PARVB: variants seen among roughly 807,000 people sequenced by gnomAD.
PARVB encodes parvin beta, also known as beta-parvin.
PARVB carries 46 observed loss-of-function variants against 47.0 expected under a neutral mutation model. The observed-to-expected ratio is 0.98, with a 90% CI of 0.77 to 1.25. PARVB has a LOEUF of 1.25. Among genes scored for constraint, PARVB ranks in the 50% most tolerant of loss-of-function variants. The probability of loss-of-function intolerance (pLI) is 0.00; values close to 1 mark genes in which losing one functional copy is unlikely to be tolerated. For synonymous variants in PARVB, 196 were observed against 196.3 expected (o/e 1.00, Z 0.01); for missense variants, 473 against 471.6 (o/e 1.00, Z -0.03).
intron 1 of PARVB, among the ~76,000 whole-genome samples, chr22:44,053,040 C>A (rs1340710765): frequency 6.6e-6 from 1 of 150,840 alleles, no homozygotes; most frequent in Non-Finnish European, 1.5e-5. Context: ...TTTAAACCAA[C>A]AATTTAAATA....
chr22:44,098,934 C>CA (rs1449043201), intron 2 of PARVB, among the ~76,000 whole-genome samples: 1 of 152,180 alleles, frequency 6.6e-6, no homozygotes, highest in African/African-American at 2.4e-5. Flanking sequence ...CTCAGCCTCC[C>CA]AAAGTGCTGG....
At chr22:44,084,837 A>T (rs1446688442) in intron 1 of PARVB, among the ~76,000 whole-genome samples, 1 of 152,136 alleles carries the variant, frequency 6.6e-6, no homozygotes, top group Non-Finnish European at 1.5e-5. Flanking sequence ...TCCCTGTAGA[A>T]TTGGCTGCCA....
intron 1 of PARVB, chr22:44,081,757 G>A (rs1444129089): frequency 2.6e-5 from 7 of 274,186 alleles, no homozygotes; most frequent in Admixed American, 6.5e-5. Context: ...TCGGAGGGGC[G>A]GTGACGGTGA....
intron 3 of PARVB, among the ~76,000 whole-genome samples, chr22:44,101,342 G>A (rs1205908469): frequency 2.6e-5 from 4 of 152,008 alleles, no homozygotes; most frequent in Non-Finnish European, 4.4e-5. Flanking sequence ...CCCGGGGGGC[G>A]GAGCCTGCAG....
At chr22:44,074,047 C>T (rs1272845408) in intron 1 of PARVB, among the ~76,000 whole-genome samples, 1 of 152,230 alleles carries the variant, frequency 6.6e-6, no homozygotes, top group African/African-American at 2.4e-5. Flanking sequence ...CTTTGGGATC[C>T]TCTGTTCGGG....
intron 1 of PARVB, among the ~76,000 whole-genome samples, chr22:44,034,464 A>G (rs1250060143): frequency 6.6e-6 from 1 of 151,472 alleles, no homozygotes. Context: ...CCAGATCATC[A>G]GACACTGTAG....
intron 2 of PARVB, among the ~76,000 whole-genome samples, chr22:44,097,396 G>A (rs1446327657): frequency 1.3e-5 from 2 of 152,186 alleles, no homozygotes; most frequent in African/African-American, 4.8e-5. Flanking sequence ...CGCGTGAGCA[G>A]CCCGTAGCAG....
At chr22:44,159,578 C>T (rs1260758047) in intron 11 of PARVB, among the ~76,000 whole-genome samples, 2 of 152,238 alleles carry the variant, frequency 1.3e-5, no homozygotes, top group Non-Finnish European at 2.9e-5. Flanking sequence ...GGCGGTGTGG[C>T]TCTGCGGGTG....
At chr22:44,164,495 G>A (rs1233680754) in intron 12 of PARVB, among the ~76,000 whole-genome samples, 1 of 150,550 alleles carries the variant, frequency 6.6e-6, no homozygotes, top group East Asian at 2.0e-4. Context: ...ACACTTCCTA[G>A]GTGTTTGGGG....
At chr22:44,136,407 C>G (rs2053441516) in intron 6 of PARVB, 53 bp from the exon 7 acceptor site, 1 of 1,526,870 alleles carries the variant, frequency 6.5e-7, no homozygotes, top group Non-Finnish European at 9.1e-7. Flanking sequence ...GTCAGTGCAT[C>G]TTTCCTCAAC....
At chr22:44,101,375 A>C (rs1289073152) in intron 3 of PARVB, among the ~76,000 whole-genome samples, 1 of 151,558 alleles carries the variant, frequency 6.6e-6, no homozygotes, top group East Asian at 1.9e-4. Context: ...GCGCCACTGC[A>C]CTCCAACCTG....
chr22:44,045,800 T>A (rs917159796), intron 1 of PARVB, among the ~76,000 whole-genome samples: 1 of 152,256 alleles, frequency 6.6e-6, no homozygotes, highest in African/African-American at 2.4e-5. Flanking sequence ...TTTATGTTAG[T>A]ACTACACTGT....
intron 3 of PARVB, chr22:44,111,432 C>CTTTTTTTTTTTTTTTTTTTTTTTT (rs10527330): frequency 3.4e-5 from 2 of 59,234 alleles, no homozygotes; most frequent in African/African-American, 7.2e-5. Context: ...CCTGCAAAAC[C>CTTTTTTTTTTTTTTTTTTTTTTTT]TTTTTTTTTT....
At chr22:44,052,212 T>C (rs1389582203) in intron 1 of PARVB, among the ~76,000 whole-genome samples, 1 of 152,172 alleles carries the variant, frequency 6.6e-6, no homozygotes, top group Non-Finnish European at 1.5e-5. Flanking sequence ...TGAGTGAAAC[T>C]TGAAGGTCAC....
At chr22:44,120,383 GTCTT>G (rs2053017317) in intron 4 of PARVB, among the ~76,000 whole-genome samples, 1 of 152,182 alleles carries the variant, frequency 6.6e-6, no homozygotes, top group African/African-American at 2.4e-5. Context: ...GTTCTGTTCT[GTCTT>G]TCTGTCTTTT....
At chr22:44,041,775 A>T (rs937567851) in intron 1 of PARVB, among the ~76,000 whole-genome samples, 2 of 151,728 alleles carry the variant, frequency 1.3e-5, no homozygotes, top group Non-Finnish European at 2.9e-5. Context: ...GGTCCCAGCT[A>T]CCCCGGAGGC....
chr22:44,168,261 G>T, intron 12 of PARVB: 1 of 239,480 alleles, frequency 4.2e-6, no homozygotes, highest in East Asian at 1.0e-4. Context: ...TGTTACTGGG[G>T]TTTTTGGTCC....
At chr22:44,046,244 G>A (rs926919466) in intron 1 of PARVB, among the ~76,000 whole-genome samples, 2 of 152,218 alleles carry the variant, frequency 1.3e-5, no homozygotes, top group African/African-American at 4.8e-5. Context: ...GCACTGCAGG[G>A]TGTCTGTGTC....
At chr22:44,168,489 G>A (rs529874189) in intron 12 of PARVB, 113 bp from the exon 13 acceptor site, 29 of 740,132 alleles carry the variant, frequency 3.9e-5, no homozygotes, top group South Asian at 3.1e-4. Context: ...AAGGGGAAGC[G>A]CTGTGTGTGG....
Sources: gnomAD v4.1 joint callset for allele counts (sites outside exome capture counted in the v4.1 genomes callset) on GRCh38, gnomAD v4.1.1 for gene constraint, MANE v1.5 for transcripts, NCBI Gene and HGNC (gene_info 2026-07-23, HGNC 2026-07-21) for gene names.